Variants in ABCA13 observed in about 807,000 individuals in gnomAD.
ABCA13 encodes the protein ATP-binding cassette sub-family A member 13.
In ABCA13, 476 loss-of-function variants were observed where a neutral mutation model predicts 478.7. The observed-to-expected ratio is 0.99, with a 90% confidence interval of 0.92 to 1.07. The LOEUF (loss-of-function observed/expected upper bound fraction) is 1.07. Ranked by LOEUF, ABCA13 falls within the 50% of genes least tolerant of loss-of-function variation. ABCA13 has a pLI of 0.00. For missense variants in ABCA13, 6,060 were observed against 5,910.6 expected (o/e 1.03, Z -0.83); for synonymous variants, 2,252 against 2,158.9 (o/e 1.04, Z -1.20).
intron 31 of ABCA13, among the ~76,000 whole-genome samples, chr7:48,353,615 A>T (rs1158769567): frequency 1.7e-4 from 25 of 151,472 alleles, no homozygotes; most frequent in Admixed American, 1.6e-3. Context: ...TGGGCGACAC[A>T]CACGTGAGGA....
At chr7:48,381,074 C>A (rs921413618) in intron 35 of ABCA13, among the ~76,000 whole-genome samples, 1 of 152,132 alleles carries the variant, frequency 6.6e-6, no homozygotes, top group African/African-American at 2.4e-5. Flanking sequence ...TTCACATTCC[C>A]ACAGCACCCC....
chr7:48,497,386 A>G (rs1353154914), intron 48 of ABCA13, among the ~76,000 whole-genome samples: 1 of 152,212 alleles, frequency 6.6e-6, no homozygotes, highest in Non-Finnish European at 1.5e-5. Flanking sequence ...ACATATTGTC[A>G]GATAATTTCA....
intron 59 of ABCA13, among the ~76,000 whole-genome samples, chr7:48,633,947 GATA>G (rs1563532663): frequency 7.2e-6 from 1 of 139,776 alleles, no homozygotes. Flanking sequence ...TAGATAGATA[GATA>G]GATAGATAGA....
chr7:48,600,137 C>T (rs187249451), intron 58 of ABCA13, among the ~76,000 whole-genome samples: 561 of 152,202 alleles, frequency 3.7e-3, no homozygotes, highest in Non-Finnish European at 6.1e-3. Context: ...TGCTATCATA[C>T]TAATATTTTG....
intron 31 of ABCA13, among the ~76,000 whole-genome samples, chr7:48,366,320 T>C (rs66509041): frequency 0.23 from 35,263 of 151,552 alleles, 4,480 homozygotes; most frequent in African/African-American, 0.33. Context: ...GCTTTCTGCT[T>C]GAGTATTTTT....
intron 15 of ABCA13, among the ~76,000 whole-genome samples, chr7:48,254,509 A>G (rs983862713): frequency 2.0e-5 from 3 of 152,070 alleles, no homozygotes; most frequent in African/African-American, 7.2e-5. Flanking sequence ...GGCTTAAGAG[A>G]TTCTCCTGCC....
At chr7:48,509,518 C>T (rs1224915268) in intron 50 of ABCA13, among the ~76,000 whole-genome samples, 2 of 152,136 alleles carry the variant, frequency 1.3e-5, no homozygotes, top group East Asian at 1.9e-4. Context: ...TTTCAGCACC[C>T]TTAGTTTATT....
chr7:48,550,412 C>T (rs1171822508), intron 55 of ABCA13, among the ~76,000 whole-genome samples: 1 of 151,508 alleles, frequency 6.6e-6, no homozygotes, highest in Non-Finnish European at 1.5e-5. Context: ...CGCCTGCCAC[C>T]ATACCTGGCT....
intron 38 of ABCA13, among the ~76,000 whole-genome samples, chr7:48,402,649 A>G (rs1817765252): frequency 6.6e-6 from 1 of 152,208 alleles, no homozygotes; most frequent in Non-Finnish European, 1.5e-5. Context: ...TACATTAAAT[A>G]TTTACTTAGT....
chr7:48,295,920 T>C (rs1799299424), intron 21 of ABCA13, 57 bp downstream of exon 21: 2 of 1,511,646 alleles, frequency 1.3e-6, no homozygotes, highest in Non-Finnish European at 1.8e-6. Flanking sequence ...AGAGAGGATG[T>C]CTAGGACTCT....
intron 19 of ABCA13, among the ~76,000 whole-genome samples, chr7:48,286,425 A>G (rs1797750162): frequency 6.6e-6 from 1 of 152,154 alleles, no homozygotes. Context: ...TTGAAATCAT[A>G]CAATATGTAG....
At chr7:48,369,585 G>A (rs1055413414) in intron 32 of ABCA13, among the ~76,000 whole-genome samples, 15 of 152,260 alleles carry the variant, frequency 9.9e-5, no homozygotes, top group African/African-American at 3.6e-4. Flanking sequence ...GAGAGATGAG[G>A]ATCCAGTTTC....
In ABCA13 at chr7:48,645,594, A is replaced by G. The variant is rs1795393967; in HGVS notation, c.*82A>G. On this transcript the variant is annotated 3_prime_UTR_variant, in exon 62 of 62. Transcript: ENST00000435803. ...CAAGGATAAAACAAGCACGCGCACA[A>G]TCAAGGAGCTGGAACACACTCTCCA... 7 of 1,137,416 alleles carry G rather than the reference A, an allele frequency of 6.2e-6. No homozygotes were observed. The highest frequency in any genetic ancestry group is 1.9e-4 in the Middle Eastern group (1 of 5,184). 70.5% of individuals were successfully genotyped at this position (1,137,416 alleles called of 1,614,324 possible). A position where few individuals can be genotyped will look rare whatever the true frequency, so the allele number is the denominator to read the frequency against.
At chr7:48,241,178 A>G (rs1790775963) in intron 10 of ABCA13, 112 bp downstream of exon 10, 8 of 1,299,710 alleles carry the variant, frequency 6.2e-6, no homozygotes, top group Non-Finnish European at 8.6e-6. Context: ...CTAAATAATG[A>G]ATTTCTTGTT....
intron 33 of ABCA13, 140 bp from the exon 34 acceptor site, chr7:48,374,207 A>G (rs1481826964): frequency 4.3e-6 from 3 of 694,002 alleles, no homozygotes; most frequent in Non-Finnish European, 7.2e-6. Context: ...AAATATTTAA[A>G]TGACTGCCTG....
chr7:48,623,035 CA>C (rs1463608868), intron 59 of ABCA13, among the ~76,000 whole-genome samples: 1 of 152,162 alleles, frequency 6.6e-6, no homozygotes, highest in African/African-American at 2.4e-5. Flanking sequence ...CAACTGCAGC[CA>C]GTCTGACTCC....
In ABCA13 at chr7:48,292,713, A is replaced by G. The variant is rs566436140; in HGVS notation, c.8956-2987A>G. Among the ~76,000 whole-genome samples the G allele has an allele frequency of 2.0e-5, 3 of 152,060 alleles. No homozygotes were observed. The East Asian group carries it at 5.8e-4, about 29-fold the overall frequency. On this transcript the variant is annotated intron_variant, in intron 20 of 61. Transcript: ENST00000435803. ...CTAATGATGATAAGGAGGGTTGTAC[A>G]CCTTCCTCTTGCACCTCCAGCACTG...
intron 58 of ABCA13, among the ~76,000 whole-genome samples, chr7:48,601,021 G>GT (rs1344886259): frequency 6.6e-6 from 1 of 151,508 alleles, no homozygotes; most frequent in East Asian, 1.9e-4. Flanking sequence ...TTTTAGTCTT[G>GT]TTTTTTTCTA....
intron 43 of ABCA13, among the ~76,000 whole-genome samples, chr7:48,462,137 C>G (rs1208113197): frequency 6.6e-6 from 1 of 152,092 alleles, no homozygotes; most frequent in Non-Finnish European, 1.5e-5. Context: ...TGTACTCTCT[C>G]TAAAGGAAGA....
Sources: allele counts gnomAD v4.1 joint callset (sites outside exome capture counted in the v4.1 genomes callset), GRCh38; gene constraint gnomAD v4.1.1; transcripts MANE v1.5; gene names NCBI Gene and HGNC (gene_info 2026-07-23, HGNC 2026-07-21).